The following THAP12 variants were observed in gnomAD, a reference collection of about 807,000 sequenced individuals.
THAP12 encodes the protein 52 kDa repressor of the inhibitor of the protein kinase.
THAP12 carries 20 observed loss-of-function variants against 63.0 expected under a neutral mutation model. The ratio of observed to expected loss-of-function variants is 0.32; its 90% CI spans 0.22 to 0.46. The LOEUF is 0.46. Among genes scored for constraint, THAP12 ranks in the 20% least tolerant of loss-of-function variants. The pLI, the probability that THAP12 is intolerant of heterozygous loss-of-function variation, is 1.00. For missense variants in THAP12, 568 were observed against 908.2 expected, an observed-to-expected ratio of 0.63 and a Z score of 4.81; for synonymous variants, 264 against 328.4, an observed-to-expected ratio of 0.80 and a Z score of 2.12.
intron 3 of THAP12, chr11:76,359,446 C>T (rs930994057): frequency 3.3e-5 from 5 of 152,054 alleles, no homozygotes; most frequent in Non-Finnish European, 5.9e-5. Flanking sequence ...AATAAATTTA[C>T]AATAGCTAAT....
intron 1 of THAP12, among the ~76,000 whole-genome samples, chr11:76,368,037 A>C (rs1307426327): frequency 6.6e-6 from 1 of 152,212 alleles, no homozygotes; most frequent in Admixed American, 6.5e-5. Flanking sequence ...AAACGATCTC[A>C]CTATAAAATA....
chr11:76,377,450 A>C (rs535800374), intron 1 of THAP12, among the ~76,000 whole-genome samples: 1 of 152,314 alleles, frequency 6.6e-6, no homozygotes, highest in African/African-American at 2.4e-5. Context: ...TATGCTTTCT[A>C]TCTCTATGGA....
rs528494248 is a variant in THAP12, at chr11:76,359,863, C to T, written c.318+1093G>A. Among the ~76,000 whole-genome samples, 9 of 151,528 alleles carry T rather than the reference C, an allele frequency of 5.9e-5. No individual in the cohort carries two copies. The South Asian group carries it at 1.9e-3, about 32-fold the overall frequency. Reference sequence around the variant, plus strand: ...AAAATCCATAGGGAAGAATAAAGGTCCACAAATAGTTAAGAAAAAGAAGAG... The same window carrying T: ...AAAATCCATAGGGAAGAATAAAGGTTCACAAATAGTTAAGAAAAAGAAGAG... On this transcript the variant is annotated intron_variant, in intron 3 of 4. Transcript: ENST00000260045.
At chr11:76,364,757 T>C (rs1439556646) in intron 2 of THAP12, among the ~76,000 whole-genome samples, 1 of 152,246 alleles carries the variant, frequency 6.6e-6, no homozygotes, top group African/African-American at 2.4e-5. Flanking sequence ...GAAAATGTTT[T>C]TCCACATTAC....
At chr11:76,370,563 C>T (rs900553518) in intron 1 of THAP12, among the ~76,000 whole-genome samples, 1 of 152,014 alleles carries the variant, frequency 6.6e-6, no homozygotes, top group African/African-American at 2.4e-5. Flanking sequence ...GGGGTTTCAC[C>T]ATGTTCCCCA....
chr11:76,380,262 G>GA (rs935126130), intron 1 of THAP12, among the ~76,000 whole-genome samples: 5 of 152,328 alleles, frequency 3.3e-5, no homozygotes, highest in African/African-American at 9.6e-5. Context: ...GTCCGAAGGA[G>GA]AAAGCAGTTG....
intron 1 of THAP12, among the ~76,000 whole-genome samples, chr11:76,370,136 T>C (rs1356568519): frequency 6.6e-6 from 1 of 152,190 alleles, no homozygotes; most frequent in African/African-American, 2.4e-5. Flanking sequence ...CTTCCATTCA[T>C]TCTCCCTCTT....
At chr11:76,380,602 C>G (rs925393705) in intron 1 of THAP12, 146 bp downstream of exon 1, 2 of 551,084 alleles carry the variant, frequency 3.6e-6, no homozygotes, top group Non-Finnish European at 5.3e-6. Context: ...CTCCCCATCT[C>G]GGTCCAACGC....
chr11:76,350,858 A>G lies in THAP12; in HGVS notation c.*6T>C. The G allele has an allele frequency of 6.6e-7, 1 of 1,515,460 alleles. No individual in the cohort carries two copies. The highest frequency in any genetic ancestry group is 8.8e-7 in the Non-Finnish European group (1 of 1,135,936). The allele number at this position is 1,515,460 out of a possible 1,614,324, so 93.9% of individuals were successfully genotyped here. A position where few individuals can be genotyped will look rare whatever the true frequency, so the allele number is the denominator to read the frequency against. ...AAATATAAGAAAGCCTATTTTTAAA[A>G]GTCTCTTAGGTATTTTCCACAGTTT... On this transcript the variant is annotated 3_prime_UTR_variant, in exon 5 of 5. Transcript: ENST00000260045.
intron 1 of THAP12, among the ~76,000 whole-genome samples, chr11:76,369,500 G>T (rs1182648668): frequency 6.6e-6 from 1 of 152,242 alleles, no homozygotes; most frequent in Non-Finnish European, 1.5e-5. Flanking sequence ...GCTGTCCTTA[G>T]AAAGGCCTGT....
chr11:76,351,768 T>C lies in THAP12; in HGVS notation c.1382A>G (p.Asn461Ser). Residue 461 changes from asparagine (N) to serine (S), a missense_variant, in exon 5 of 5, where the codon AAC becomes AGC. Coordinates refer to ENST00000260045, the MANE Select transcript of THAP12 (RefSeq NM_004705.4). The stretch of plus-strand genomic sequence containing the variant: ...TACAAATGCTCGGCCAGCTATATAG[T>C]TATTCCATCTAATATTTGTGTCACT... ...INSDTNIRWN[N>S]YIAGRAFVLC... The C allele has an allele frequency of 6.2e-7, 1 of 1,613,308 alleles. No homozygotes were observed. The highest frequency in any genetic ancestry group is 8.5e-7 in the Non-Finnish European group (1 of 1,179,482).
chr11:76,375,368 C>G lies in THAP12; in HGVS notation c.89+5380G>C, dbSNP rs76662273. On this transcript the variant is annotated intron_variant, in intron 1 of 4. Transcript: ENST00000260045. ...CAAGCCTTGGCATTAGGCAAGCCACCCTGGGGCAATCAAGACTTAGGCTTT... is the reference window on the plus strand; with the variant it reads ...CAAGCCTTGGCATTAGGCAAGCCACGCTGGGGCAATCAAGACTTAGGCTTT... 1.2e-3 allele frequency among the ~76,000 whole-genome samples: 180 copies of G among 151,884 alleles called. 1 individual carries two copies. The highest frequency in any genetic ancestry group is 4.2e-3 in the African/African-American group (175 of 41,438).
chr11:76,355,092 G>A (rs73002532), intron 4 of THAP12, among the ~76,000 whole-genome samples: 21,128 of 152,176 alleles, frequency 0.14, 1,561 homozygotes, highest in South Asian at 0.21. Context: ...AAGAAACAGA[G>A]GAGGAGGAGT....
intron 1 of THAP12, among the ~76,000 whole-genome samples, chr11:76,366,590 A>G (rs917430375): frequency 1.3e-5 from 2 of 152,012 alleles, no homozygotes. Flanking sequence ...CTGAGGCAGG[A>G]GAATGGCGTG....
chr11:76,357,067 G>A (rs1946566499), intron 3 of THAP12: 1 of 152,194 alleles, frequency 6.6e-6, no homozygotes, highest in South Asian at 2.1e-4. Flanking sequence ...GAAAAGGATG[G>A]TTGTGTCTAT....
intron 1 of THAP12, among the ~76,000 whole-genome samples, chr11:76,373,264 T>C (rs1426246526): frequency 6.6e-6 from 1 of 150,698 alleles, no homozygotes; most frequent in Non-Finnish European, 1.5e-5. Flanking sequence ...GAGAATTACT[T>C]GAGCGCAGGA....
At chr11:76,368,268 T>C (rs1397494708) in intron 1 of THAP12, among the ~76,000 whole-genome samples, 1 of 152,178 alleles carries the variant, frequency 6.6e-6, no homozygotes, top group Non-Finnish European at 1.5e-5. Flanking sequence ...AGAATAAATC[T>C]AGTGAAAGAA....
At position 76,351,789 on chromosome 11, in the gene THAP12, T is replaced by C. The variant is rs1212527247; in HGVS notation, c.1361A>G (p.Asp454Gly). 1.2e-6 allele frequency: 2 copies of C among 1,613,188 alleles called. No individual in the cohort carries two copies. Among genetic ancestry groups the C allele is most frequent in the Non-Finnish European group, 1.7e-6 (2 of 1,179,424 alleles). The change falls in exon 5 of 5, where the codon GAC becomes GGC. Residue 454 changes from aspartate to glycine, a missense_variant. By Grantham distance (94) the Asp-to-Gly change is moderately conservative. Coordinates refer to ENST00000260045, the MANE Select transcript of THAP12 (RefSeq NM_004705.4). ...LVLCLDGINSDTNIRWNNYIA... is the reference protein window; with the variant it reads ...LVLCLDGINSGTNIRWNNYIA... ...ATAGTTATTCCATCTAATATTTGTGTCACTATTTATACCATCTAAACATAA... is the reference window on the plus strand; with the variant it reads ...ATAGTTATTCCATCTAATATTTGTGCCACTATTTATACCATCTAAACATAA...
chr11:76,369,748 G>A (rs572176029), intron 1 of THAP12, among the ~76,000 whole-genome samples: 34 of 152,212 alleles, frequency 2.2e-4, no homozygotes, highest in Non-Finnish European at 4.6e-4. Flanking sequence ...CGTCTCTAAC[G>A]GTCTTCTCTC....
Sources: allele counts gnomAD v4.1 joint callset (sites outside exome capture counted in the v4.1 genomes callset), GRCh38; gene constraint gnomAD v4.1.1; transcripts MANE v1.5; gene names NCBI Gene and HGNC (gene_info 2026-07-23, HGNC 2026-07-21).